Variants in KLHDC10 observed in about 807,000 individuals in gnomAD.
KLHDC10 encodes kelch domain containing 10, also known as kelch domain-containing protein 10.
Under a neutral mutation model 56.1 loss-of-function variants are expected in KLHDC10, and 24 were observed. That is an observed-to-expected ratio of 0.43 (90% CI 0.31 to 0.60). The LOEUF (loss-of-function observed/expected upper bound fraction) is 0.60. Among genes scored for constraint, KLHDC10 ranks in the 20% least tolerant of loss-of-function variants. The pLI is 0.11. For missense variants in KLHDC10, 349 were observed against 567.0 expected (o/e 0.62, Z 3.91); for synonymous variants, 188 against 207.1 (o/e 0.91, Z 0.79).
At chr7:130,071,539 G>C (rs1047976757) in intron 1 of KLHDC10, among the ~76,000 whole-genome samples, 1 of 152,164 alleles carries the variant, frequency 6.6e-6, no homozygotes, top group African/African-American at 2.4e-5. Context: ...CCCTAGCCTT[G>C]AGTTCAGATG....
Position 130,118,045 on chromosome 7 carries a change from C to T in KLHDC10, c.475+1379C>T, listed in dbSNP as rs35818927. ...AAAATTAGCTGGGCATGGTGGCAGG[C>T]GCCAGTAATCCCAGCTACTCAGGAG... On this transcript the variant is annotated intron_variant, in intron 3 of 9. Transcript: ENST00000335420. Among the ~76,000 whole-genome samples the T allele has an allele frequency of 9.2e-3, 1,391 of 151,604 alleles. 6 individuals carry two copies. The highest frequency in any genetic ancestry group is 0.016 in the Non-Finnish European group (1,061 of 67,914).
intron 1 of KLHDC10, among the ~76,000 whole-genome samples, chr7:130,078,984 A>T (rs1268632696): frequency 6.6e-6 from 1 of 152,216 alleles, no homozygotes; most frequent in Non-Finnish European, 1.5e-5. Flanking sequence ...CTTTAGATTG[A>T]AGCGTACATA....
At chr7:130,119,674 T>G (rs1411240615) in intron 3 of KLHDC10, among the ~76,000 whole-genome samples, 1 of 149,148 alleles carries the variant, frequency 6.7e-6, no homozygotes, top group Non-Finnish European at 1.5e-5. Context: ...TGAAACCCCG[T>G]CTCTACTAAA....
chr7:130,114,227 A>G (rs1796138473), intron 2 of KLHDC10, among the ~76,000 whole-genome samples: 1 of 152,248 alleles, frequency 6.6e-6, no homozygotes, highest in Non-Finnish European at 1.5e-5. Flanking sequence ...TGTTTGGAAA[A>G]GAAAAACAAA....
chr7:130,116,598 T>A lies in KLHDC10; in HGVS notation c.407T>A (p.Phe136Tyr). ...PLFRELWRYH[F>Y]ATGVWHQMGT... ...TTCAGGGAACTCTGGAGGTATCATT[T>A]TGCTACAGGAGTATGGCACCAGATG... Residue 136 changes from phenylalanine (F) to tyrosine (Y), a missense_variant, in exon 3 of 10, where the codon TTT becomes TAT. Physicochemically the swap from Phe to Tyr is conservative, Grantham distance 22. Around this residue, in one of 2 missense-constraint regions of KLHDC10, gnomAD observed 245 missense variants for 470.1 expected, o/e 0.52. Transcript: ENST00000335420. The surrounding 1 kb of genome is among the most constrained non-coding windows in gnomAD (Gnocchi z 4.8). 1 of 1,614,198 alleles carries A rather than the reference T, an allele frequency of 6.2e-7. No individual in the cohort carries two copies. Among genetic ancestry groups the A allele is most frequent in the Non-Finnish European group, 8.5e-7 (1 of 1,180,038 alleles).
At chr7:130,119,322 C>T (rs1328244730) in intron 3 of KLHDC10, among the ~76,000 whole-genome samples, 2 of 151,596 alleles carry the variant, frequency 1.3e-5, no homozygotes, top group African/African-American at 4.9e-5. Context: ...ACTAGCCTGG[C>T]CAACATAGCA....
chr7:130,094,005 C>A (rs781356835), intron 1 of KLHDC10, among the ~76,000 whole-genome samples: 3 of 152,144 alleles, frequency 2.0e-5, no homozygotes, highest in African/African-American at 7.2e-5. Flanking sequence ...CTCACTGCAA[C>A]CTCCGCCTCT....
In KLHDC10 at chr7:130,116,788, A is replaced by G. The variant is rs1052960594; in HGVS notation, c.475+122A>G. The G allele has an allele frequency of 1.2e-6, 1 of 802,880 alleles. No individual in the cohort carries two copies. The highest frequency in any genetic ancestry group is 2.0e-6 in the Non-Finnish European group (1 of 492,218). The allele number at this position is 802,880 out of a possible 1,614,324, so 49.7% of individuals were successfully genotyped here. A position where few individuals can be genotyped will look rare whatever the true frequency, so the allele number is the denominator to read the frequency against. ...ATGTGATTTCGCCCTGTGGGTGGAT[A>G]GGCTTTTTACTAGGGTAATAACAGT... On this transcript the variant is annotated intron_variant, in intron 3 of 9. Transcript: ENST00000335420. This position sits in a 1 kb window ranked among gnomAD's most constrained non-coding sequence, Gnocchi z 4.8.
At chr7:130,094,512 A>G (rs1269987052) in intron 1 of KLHDC10, among the ~76,000 whole-genome samples, 2 of 152,148 alleles carry the variant, frequency 1.3e-5, no homozygotes, top group Non-Finnish European at 2.9e-5. Flanking sequence ...AAGGGGAAAA[A>G]ACAAAAATAA....
At chr7:130,086,951 A>G (rs1394918131) in intron 1 of KLHDC10, among the ~76,000 whole-genome samples, 1 of 152,212 alleles carries the variant, frequency 6.6e-6, no homozygotes, top group Non-Finnish European at 1.5e-5. Context: ...TTTTATCCCT[A>G]TAATAATATT....
In KLHDC10 at chr7:130,077,555, C is replaced by CTT. The variant is rs1374918216; in HGVS notation, c.166+6763_166+6764dup. On this transcript the variant is annotated intron_variant, in intron 1 of 9. Coordinates refer to ENST00000335420, the MANE Select transcript of KLHDC10 (RefSeq NM_014997.4). ...ACTACTTTCTTTTTTCTTTTTCTTT[C>CTT]TTTTTTTTTTTTTTTTTTGAGACGG... Among the ~76,000 whole-genome samples the CTT allele has an allele frequency of 1.5e-3, 160 of 108,098 alleles. 5 individuals are homozygous for CTT. The highest frequency in any genetic ancestry group is 2.2e-3 in the Non-Finnish European group (115 of 53,116). The allele number at this position is 108,098 out of a possible 152,430, so 70.9% of individuals were successfully genotyped here.
intron 6 of KLHDC10, 40 bp downstream of exon 6, chr7:130,124,575 G>C (rs1030767082): frequency 9.7e-7 from 1 of 1,031,432 alleles, no homozygotes; most frequent in African/African-American, 1.6e-5. Context: ...GAGGGAGAAG[G>C]ATAGAAGGAG....
Position 130,125,944 on chromosome 7 carries a change from TATTG to T in KLHDC10, c.931+17_931+20del. The stretch of plus-strand genomic sequence containing the variant: ...CATGAAAAAATAGGTAAATTTAAAG[TATTG>T]ATTAATTTATCTTTAACAAACATGT... On this transcript the variant is annotated intron_variant, in intron 7 of 9. Transcript: ENST00000335420. 4 of 1,526,596 alleles carry T rather than the reference TATTG, an allele frequency of 2.6e-6. No individual in the cohort carries two copies. Among genetic ancestry groups the T allele is most frequent in the Non-Finnish European group, 3.6e-6 (4 of 1,121,474 alleles). 94.6% of individuals were successfully genotyped at this position (1,526,596 alleles called of 1,614,324 possible).
At chr7:130,091,956 TG>T (rs1421515544) in intron 1 of KLHDC10, among the ~76,000 whole-genome samples, 24 of 152,234 alleles carry the variant, frequency 1.6e-4, no homozygotes, top group Non-Finnish European at 2.8e-4. Flanking sequence ...AAGCAAGAGT[TG>T]GAGTAGGTAT....
chr7:130,130,593 TG>T lies in KLHDC10; in HGVS notation c.1179del (p.Ser394HisfsTer48). On this transcript the variant is annotated frameshift_variant, in exon 10 of 10. Coordinates refer to ENST00000335420, the MANE Select transcript of KLHDC10 (RefSeq NM_014997.4). LOFTEE classifies it high-confidence loss of function. The surrounding 1 kb of genome is among the most constrained non-coding windows in gnomAD (Gnocchi z 4.2). ...VVNIHENKRT[G>X]SLFKIWLVVP... ...TGAACATCCATGAAAACAAACGGAC[TG>T]GGTCATTGTTTAAGATCTGGCTGGT... The T allele has an allele frequency of 6.2e-7, 1 of 1,614,092 alleles. No homozygotes were observed. Among genetic ancestry groups the T allele is most frequent in the East Asian group, 2.2e-5 (1 of 44,872 alleles).
chr7:130,082,277 T>C (rs539546951), intron 1 of KLHDC10, among the ~76,000 whole-genome samples: 5 of 152,250 alleles, frequency 3.3e-5, no homozygotes, highest in African/African-American at 1.2e-4. Flanking sequence ...TGAGCCGAGA[T>C]CATGCCACTG....
rs1209136610 is a variant in KLHDC10, at chr7:130,132,696, A to G, written c.*1950A>G. ...CAGGCTTGCTCCTCCGTTCTCTCCC[A>G]GAGCAAGTCAGTCTGAGCAGCTCCA... On this transcript the variant is annotated 3_prime_UTR_variant, in exon 10 of 10. Coordinates refer to ENST00000335420, the MANE Select transcript of KLHDC10 (RefSeq NM_014997.4). The G allele has an allele frequency of 1.3e-5, 2 of 152,310 alleles. No homozygotes were observed. The highest frequency in any genetic ancestry group is 1.9e-4 in the East Asian group (1 of 5,206). 9.4% of individuals were successfully genotyped at this position (152,310 alleles called of 1,614,324 possible). A position where few individuals can be genotyped will look rare whatever the true frequency, so the allele number is the denominator to read the frequency against.
intron 1 of KLHDC10, among the ~76,000 whole-genome samples, chr7:130,092,803 A>G (rs1198216010): frequency 2.0e-5 from 3 of 152,088 alleles, no homozygotes; most frequent in Non-Finnish European, 2.9e-5. Context: ...AATGTTTAAA[A>G]TGGTTTCACT....
rs34901862 is a variant in KLHDC10, at chr7:130,123,016, TATGG to T, written c.779+852_779+855del. ...ATGGGTGATGAATGATAGATGGATG[TATGG>T]ATGGATGGATGGATGGATGGATGGA... On this transcript the variant is annotated intron_variant, in intron 5 of 9. Coordinates refer to ENST00000335420, the MANE Select transcript of KLHDC10 (RefSeq NM_014997.4). 6.4e-3 allele frequency among the ~76,000 whole-genome samples: 954 copies of T among 149,030 alleles called. 8 individuals carry two copies. Among genetic ancestry groups the T allele is most frequent in the African/African-American group, 0.018 (711 of 40,524 alleles).
Sources: allele counts gnomAD v4.1 joint callset (sites outside exome capture counted in the v4.1 genomes callset), GRCh38; gene constraint gnomAD v4.1.1; regional missense constraint gnomAD v4.1.1; non-coding constraint Gnocchi (gnomAD v3.1); transcripts MANE v1.5; gene names NCBI Gene and HGNC (gene_info 2026-07-23, HGNC 2026-07-21).